PPP1R9A: variants seen among roughly 807,000 people sequenced by gnomAD.
PPP1R9A encodes the protein neurabin-1.
Under a neutral mutation model 141.9 loss-of-function variants are expected in PPP1R9A, and 59 were observed. The ratio of observed to expected loss-of-function variants is 0.42; its 90% CI spans 0.34 to 0.52. The LOEUF is 0.52. Among genes scored for constraint, PPP1R9A ranks in the 20% least tolerant of loss-of-function variants. The pLI, the probability that PPP1R9A is intolerant of heterozygous loss-of-function variation, is 0.10. For synonymous variants in PPP1R9A, 500 were observed against 569.7 expected (o/e 0.88, Z 1.74); for missense variants, 1,444 against 1,611.9 (o/e 0.90, Z 1.78).
intron 2 of PPP1R9A, among the ~76,000 whole-genome samples, chr7:95,028,027 A>G (rs1807136901): frequency 6.6e-6 from 1 of 152,178 alleles, no homozygotes; most frequent in Non-Finnish European, 1.5e-5. Context: ...TTTTCAGGAT[A>G]ACATAAAATT....
chr7:94,970,696 T>C (rs1798769071), intron 2 of PPP1R9A, among the ~76,000 whole-genome samples: 1 of 147,702 alleles, frequency 6.8e-6, no homozygotes, highest in Admixed American at 7.0e-5. Context: ...AGTGCAGTGG[T>C]GCGATTTCAG....
chr7:94,984,668 G>T (rs1037739284), intron 2 of PPP1R9A, among the ~76,000 whole-genome samples: 1 of 151,886 alleles, frequency 6.6e-6, no homozygotes, highest in African/African-American at 2.4e-5. Flanking sequence ...CCTTGAGATC[G>T]GTGGTGATAT....
At chr7:95,123,255 A>G (rs1430939005) in intron 4 of PPP1R9A, among the ~76,000 whole-genome samples, 3 of 152,180 alleles carry the variant, frequency 2.0e-5, no homozygotes, top group Non-Finnish European at 4.4e-5. Flanking sequence ...CCCAGTGTAC[A>G]TTTATTTCCT....
intron 2 of PPP1R9A, among the ~76,000 whole-genome samples, chr7:95,075,677 T>C (rs1428245360): frequency 1.3e-5 from 2 of 151,722 alleles, no homozygotes; most frequent in Non-Finnish European, 2.9e-5. Context: ...CTACTAAAAA[T>C]ACAAAAAAAA....
rs1394249287 is a variant in PPP1R9A, at chr7:95,198,438, A to T, written c.1844A>T (p.Glu615Val). ...QTLEQERRQR[E>V]LLEQHYAQYD... The stretch of plus-strand genomic sequence containing the variant: ...CTGGAACAGGAGAGGCGCCAGAGAG[A>T]GCTGCTGGAACAGCACTATGCCCAG... Residue 615 changes from glutamate (E) to valine (V), a missense_variant, in exon 6 of 20, where the codon GAG becomes GTG. By Grantham distance (121) the Glu-to-Val change is moderately radical. Transcript: ENST00000433360. The T allele has an allele frequency of 1.2e-6, 2 of 1,613,052 alleles. No individual in the cohort carries two copies. Among genetic ancestry groups the T allele is most frequent in the Admixed American group, 3.3e-5 (2 of 59,738 alleles).
intron 5 of PPP1R9A, among the ~76,000 whole-genome samples, chr7:95,179,002 G>A (rs1352302076): frequency 6.6e-6 from 1 of 151,978 alleles, no homozygotes; most frequent in African/African-American, 2.4e-5. Flanking sequence ...GAGAAAGAGG[G>A]AACCCTCCCT....
chr7:95,101,035 G>A (rs1194413802), intron 2 of PPP1R9A, among the ~76,000 whole-genome samples: 1 of 151,090 alleles, frequency 6.6e-6, no homozygotes, highest in East Asian at 1.9e-4. Context: ...TGTATTTTTA[G>A]TAGAGACGGG....
intron 2 of PPP1R9A, among the ~76,000 whole-genome samples, chr7:95,102,030 C>G (rs1294460767): frequency 6.6e-6 from 1 of 152,034 alleles, no homozygotes; most frequent in African/African-American, 2.4e-5. Context: ...TTATCTTTTA[C>G]CTGGGTAGAG....
intron 12 of PPP1R9A, among the ~76,000 whole-genome samples, chr7:95,256,014 G>A (rs1183299170): frequency 6.6e-6 from 1 of 152,076 alleles, no homozygotes; most frequent in East Asian, 1.9e-4. Context: ...CCTACTCAGT[G>A]AGTGGACCAC....
chr7:95,021,081 A>G (rs1249321657), intron 2 of PPP1R9A, among the ~76,000 whole-genome samples: 1 of 151,920 alleles, frequency 6.6e-6, no homozygotes, highest in East Asian at 1.9e-4. Context: ...ACTAATTTAC[A>G]CTCCCACCAG....
intron 2 of PPP1R9A, among the ~76,000 whole-genome samples, chr7:94,999,511 C>T (rs530627266): frequency 6.6e-6 from 1 of 152,232 alleles, no homozygotes; most frequent in African/African-American, 2.4e-5. Context: ...TTTCTTCTTA[C>T]TTAAAAAAGA....
intron 2 of PPP1R9A, among the ~76,000 whole-genome samples, chr7:95,004,832 C>T (rs913763055): frequency 2.6e-5 from 4 of 152,146 alleles, no homozygotes; most frequent in African/African-American, 4.8e-5. Context: ...TGCTGCTGCA[C>T]GTTGTCATGG....
chr7:95,092,910 G>A (rs1299054183), intron 2 of PPP1R9A, among the ~76,000 whole-genome samples: 1 of 152,172 alleles, frequency 6.6e-6, no homozygotes, highest in African/African-American at 2.4e-5. Context: ...ATTCTCTCCT[G>A]TATTAAACTG....
At chr7:94,918,748 A>G (rs374257341) in intron 2 of PPP1R9A, among the ~76,000 whole-genome samples, 25 of 152,234 alleles carry the variant, frequency 1.6e-4, no homozygotes, top group East Asian at 1.2e-3. Flanking sequence ...AAAAGAATAT[A>G]GGAGACTTGA....
chr7:95,129,976 C>T (rs1180704011), intron 4 of PPP1R9A, among the ~76,000 whole-genome samples: 1 of 152,204 alleles, frequency 6.6e-6, no homozygotes, highest in Non-Finnish European at 1.5e-5. Flanking sequence ...GGAAAACTTG[C>T]AGCCTGACAA....
chr7:95,129,154 G>A (rs773135611), intron 4 of PPP1R9A, among the ~76,000 whole-genome samples: 14 of 152,132 alleles, frequency 9.2e-5, no homozygotes, highest in Non-Finnish European at 1.6e-4. Context: ...AAGATTAGAT[G>A]TCTGTAGGTG....
chr7:95,248,708 A>G (rs1798475419), intron 9 of PPP1R9A, among the ~76,000 whole-genome samples: 1 of 152,174 alleles, frequency 6.6e-6, no homozygotes, highest in South Asian at 2.1e-4. Flanking sequence ...AGAAAATACT[A>G]TAAATTAGCA....
intron 5 of PPP1R9A, among the ~76,000 whole-genome samples, chr7:95,171,580 A>C (rs1437677986): frequency 6.6e-6 from 1 of 151,620 alleles, no homozygotes; most frequent in Non-Finnish European, 1.5e-5. Context: ...TGAATACAAC[A>C]AGTTAGACTA....
intron 12 of PPP1R9A, among the ~76,000 whole-genome samples, chr7:95,259,364 A>G (rs1051246662): frequency 2.0e-5 from 3 of 151,992 alleles, no homozygotes; most frequent in Admixed American, 2.0e-4. Flanking sequence ...TAGAAACTTT[A>G]AAATAATTAA....
Sources: gnomAD v4.1 joint callset for allele counts (sites outside exome capture counted in the v4.1 genomes callset) on GRCh38, gnomAD v4.1.1 for gene constraint, MANE v1.5 for transcripts, NCBI Gene and HGNC (gene_info 2026-07-23, HGNC 2026-07-21) for gene names.